The following MAGI2 variants were observed in gnomAD, a reference collection of about 807,000 sequenced individuals.
MAGI2 encodes the protein membrane-associated guanylate kinase, WW and PDZ domain-containing protein 2.
MAGI2 carries 35 observed loss-of-function variants against 133.3 expected under a neutral mutation model. The observed-to-expected ratio is 0.26, with a 90% confidence interval of 0.20 to 0.35. The LOEUF is 0.35. Among genes scored for constraint, MAGI2 ranks in the 10% least tolerant of loss-of-function variants. The probability of loss-of-function intolerance (pLI) is 1.00; values close to 1 mark genes in which losing one functional copy is unlikely to be tolerated. For missense variants in MAGI2, 1,636 were observed against 1,863.4 expected (o/e 0.88, Z 2.25); for synonymous variants, 729 against 710.6 (o/e 1.03, Z -0.41).
chr7:79,299,252 G>A (rs547186977), intron 1 of MAGI2, among the ~76,000 whole-genome samples: 15 of 151,956 alleles, frequency 9.9e-5, no homozygotes, highest in South Asian at 2.1e-4. Context: ...GAAATTTTCC[G>A]GGCAGAGAAA....
intron 1 of MAGI2, among the ~76,000 whole-genome samples, chr7:79,163,581 TTTG>T (rs1026709935): frequency 6.6e-6 from 1 of 152,056 alleles, no homozygotes; most frequent in African/African-American, 2.4e-5. Context: ...AGAGATTAAA[TTTG>T]TTGAATTCTG....
intron 9 of MAGI2, among the ~76,000 whole-genome samples, chr7:78,294,071 G>C (rs1223837804): frequency 7.2e-6 from 1 of 137,960 alleles, no homozygotes; most frequent in Non-Finnish European, 1.6e-5. Flanking sequence ...AGAATTTAAA[G>C]TATAATAAAA....
chr7:78,696,973 T>G (rs1304151466), intron 2 of MAGI2, among the ~76,000 whole-genome samples: 1 of 127,084 alleles, frequency 7.9e-6, no homozygotes, highest in African/African-American at 2.8e-5. Flanking sequence ...TGACCCTTAT[T>G]TTGCTTTCAT....
At chr7:78,978,536 G>A (rs1273320443) in intron 2 of MAGI2, among the ~76,000 whole-genome samples, 2 of 151,784 alleles carry the variant, frequency 1.3e-5, no homozygotes, top group Non-Finnish European at 2.9e-5. Context: ...GAGTTTTAGG[G>A]CAGCAAAACT....
intron 2 of MAGI2, among the ~76,000 whole-genome samples, chr7:78,904,389 C>G (rs1322927389): frequency 6.6e-6 from 1 of 152,042 alleles, no homozygotes; most frequent in Non-Finnish European, 1.5e-5. Flanking sequence ...TCCTTTTTAC[C>G]TTGGGGAGGA....
At chr7:78,663,361 C>T (rs1002216703) in intron 2 of MAGI2, among the ~76,000 whole-genome samples, 5 of 152,058 alleles carry the variant, frequency 3.3e-5, no homozygotes, top group African/African-American at 1.2e-4. Flanking sequence ...CACGCGCTAC[C>T]ACACACAGCT....
intron 9 of MAGI2, among the ~76,000 whole-genome samples, chr7:78,319,721 G>C (rs971300206): frequency 1.3e-5 from 2 of 152,142 alleles, no homozygotes; most frequent in African/African-American, 4.8e-5. Context: ...AAAAGAACTA[G>C]AGAAGCAAGA....
At chr7:78,516,899 G>A (rs1463694460) in intron 4 of MAGI2, among the ~76,000 whole-genome samples, 1 of 152,204 alleles carries the variant, frequency 6.6e-6, no homozygotes, top group African/African-American at 2.4e-5. Context: ...AGGAATATGG[G>A]TGAAAAGTAG....
intron 6 of MAGI2, among the ~76,000 whole-genome samples, chr7:78,420,783 T>C (rs996941156): frequency 1.3e-5 from 2 of 152,116 alleles, no homozygotes; most frequent in African/African-American, 4.8e-5. Flanking sequence ...TTAACAAAAC[T>C]GAAATACTTA....
At chr7:79,388,519 G>A (rs1341059618) in intron 1 of MAGI2, among the ~76,000 whole-genome samples, 1 of 151,798 alleles carries the variant, frequency 6.6e-6, no homozygotes, top group African/African-American at 2.4e-5. Flanking sequence ...GACATTGAAT[G>A]GGCAACTTAT....
chr7:79,449,877 C>CATATATATATATATATAT (rs59881896), intron 1 of MAGI2, among the ~76,000 whole-genome samples: 69 of 120,612 alleles, frequency 5.7e-4, no homozygotes, highest in African/African-American at 1.7e-3. Context: ...GAGATATATA[C>CATATATATATATATATAT]ATATATATAT....
chr7:78,724,829 C>T (rs1177163664), intron 2 of MAGI2, among the ~76,000 whole-genome samples: 2 of 152,166 alleles, frequency 1.3e-5, no homozygotes, highest in Non-Finnish European at 2.9e-5. Flanking sequence ...CAGCACTTGC[C>T]AGTTGCACCA....
chr7:78,025,075 T>G (rs1440661658), intron 21 of MAGI2, among the ~76,000 whole-genome samples: 1 of 152,242 alleles, frequency 6.6e-6, no homozygotes, highest in East Asian at 1.9e-4. Context: ...AAAGCCTGCA[T>G]GATCTGGCCC....
chr7:78,109,303 CA>C (rs71085511), intron 20 of MAGI2, among the ~76,000 whole-genome samples: 597 of 19,894 alleles, frequency 0.03, no homozygotes, highest in East Asian at 0.059. Context: ...GACTCCGTCT[CA>C]AAAAAAAAAA....
chr7:79,218,390 G>A (rs1029658408), intron 1 of MAGI2, among the ~76,000 whole-genome samples: 15 of 151,988 alleles, frequency 9.9e-5, no homozygotes, highest in African/African-American at 2.7e-4. Context: ...GACAGACGCC[G>A]TCAGGTGGGG....
intron 2 of MAGI2, among the ~76,000 whole-genome samples, chr7:78,872,106 C>A (rs1584233771): frequency 7.0e-6 from 1 of 143,046 alleles, no homozygotes; most frequent in Non-Finnish European, 1.5e-5. Context: ...TCCTCCAAAA[C>A]AAACAAACAA....
At chr7:78,799,256 T>G (rs1413288136) in intron 2 of MAGI2, among the ~76,000 whole-genome samples, 1 of 152,140 alleles carries the variant, frequency 6.6e-6, no homozygotes, top group East Asian at 1.9e-4. Flanking sequence ...TATATGACTA[T>G]TCTGTACACT....
At chr7:78,780,649 T>C (rs941152627) in intron 2 of MAGI2, among the ~76,000 whole-genome samples, 1 of 152,228 alleles carries the variant, frequency 6.6e-6, no homozygotes, top group African/African-American at 2.4e-5. Context: ...AACTTTTGAA[T>C]GAATACTTTT....
At chr7:79,045,852 G>A (rs1190095595) in intron 1 of MAGI2, among the ~76,000 whole-genome samples, 2 of 152,022 alleles carry the variant, frequency 1.3e-5, no homozygotes, top group African/African-American at 4.8e-5. Context: ...TAGCACAAGG[G>A]GGATCTTCAG....
Sources: allele counts gnomAD v4.1 joint callset (sites outside exome capture counted in the v4.1 genomes callset), GRCh38; gene constraint gnomAD v4.1.1; transcripts MANE v1.5; gene names NCBI Gene and HGNC (gene_info 2026-07-23, HGNC 2026-07-21).